GDAP1: variants seen among roughly 807,000 people sequenced by gnomAD.
The protein encoded by GDAP1 is ganglioside-induced differentiation-associated protein 1.
In GDAP1, 34 loss-of-function variants were observed where a neutral mutation model predicts 40.1. The observed-to-expected ratio is 0.85, with a 90% CI of 0.64 to 1.13. The LOEUF (loss-of-function observed/expected upper bound fraction) is 1.13. Among genes scored for constraint, GDAP1 ranks in the 50% most tolerant of loss-of-function variants. GDAP1 has a pLI of 0.00. For missense variants in GDAP1, 374 were observed against 433.7 expected (o/e 0.86, Z 1.22); for synonymous variants, 170 against 157.4 (o/e 1.08, Z -0.60).
At chr8:74,376,246 A>T (rs1293979370) in intron 2 of GDAP1, among the ~76,000 whole-genome samples, 1 of 152,220 alleles carries the variant, frequency 6.6e-6, no homozygotes, top group Non-Finnish European at 1.5e-5. Context: ...TCTTCTTTTA[A>T]AAATAAATTG....
At chr8:74,387,846 C>T (rs2131541399) in intron 2 of GDAP1, among the ~76,000 whole-genome samples, 1 of 152,128 alleles carries the variant, frequency 6.6e-6, no homozygotes, top group East Asian at 1.9e-4. Context: ...TTAATTACTG[C>T]CTCAGTTTCA....
At chr8:74,390,787 T>C (rs542567406) in intron 2 of GDAP1, among the ~76,000 whole-genome samples, 1 of 152,324 alleles carries the variant, frequency 6.6e-6, no homozygotes. Context: ...CCCACAGCTG[T>C]CCCTACTCCC....
chr8:74,373,655 G>A (rs1444907888), intron 2 of GDAP1, among the ~76,000 whole-genome samples: 2 of 152,138 alleles, frequency 1.3e-5, no homozygotes, highest in Non-Finnish European at 2.9e-5. Flanking sequence ...AGGAGATTTT[G>A]GGCTGAGATG....
chr8:74,465,635 A>G (rs1231754263), intron 2 of GDAP1, among the ~76,000 whole-genome samples: 5 of 152,220 alleles, frequency 3.3e-5, no homozygotes, highest in East Asian at 3.8e-4. Flanking sequence ...TGCTCTTAGC[A>G]TAGCATTAAA....
rs747666581 is a variant in GDAP1 at position 74,351,486 on chromosome 8, C to A, written c.310+20C>A. ...TGGATGGTAATGTTAAGGCTACTTG[C>A]GATTTCTTGGATTTACTTTCAACAC... On this transcript the variant is annotated intron_variant, in intron 2 of 5. Coordinates refer to ENST00000220822, the MANE Select transcript of GDAP1 (RefSeq NM_018972.4). 1.9e-6 allele frequency: 3 copies of A among 1,561,544 alleles called. No individual in the cohort carries two copies. Among genetic ancestry groups the A allele is most frequent in the South Asian group, 2.2e-5 (2 of 90,096 alleles).
chr8:74,399,625 CT>C (rs1318609690), intron 2 of GDAP1, among the ~76,000 whole-genome samples: 1 of 136,100 alleles, frequency 7.3e-6, no homozygotes, highest in Non-Finnish European at 1.5e-5. Context: ...TTTTCTAGTT[CT>C]TTTAATTGTG....
In GDAP1 at chr8:74,350,592, T is replaced by G; in HGVS notation, c.117+14T>G. ...AGCTCTCAAAAGGTACAACAGGCCT[T>G]GGCGGCGGAGGGTGGCGCGGATCGG... On this transcript the variant is annotated intron_variant, in intron 1 of 5. Transcript: ENST00000220822. 9 of 1,477,246 alleles carry G rather than the reference T, an allele frequency of 6.1e-6. No homozygotes were observed. Among genetic ancestry groups the G allele is most frequent in the Non-Finnish European group, 6.6e-6 (7 of 1,055,070 alleles). The allele number at this position is 1,477,246 out of a possible 1,614,324, so 91.5% of individuals were successfully genotyped here. A position where few individuals can be genotyped will look rare whatever the true frequency, so the allele number is the denominator to read the frequency against.
chr8:74,407,064 AC>A (rs1269717226), intron 2 of GDAP1, among the ~76,000 whole-genome samples: 1 of 149,620 alleles, frequency 6.7e-6, no homozygotes, highest in African/African-American at 2.6e-5. Context: ...ATAATCAATC[AC>A]CCTTATGTTA....
At chr8:74,352,120 G>C (rs965350539) in intron 2 of GDAP1, among the ~76,000 whole-genome samples, 3 of 152,160 alleles carry the variant, frequency 2.0e-5, no homozygotes, top group Non-Finnish European at 2.9e-5. Flanking sequence ...AAAGCAACAG[G>C]GTTGCCCAAA....
chr8:74,372,533 T>C (rs994018716), intron 2 of GDAP1, among the ~76,000 whole-genome samples: 1 of 152,250 alleles, frequency 6.6e-6, no homozygotes, highest in Non-Finnish European at 1.5e-5. Context: ...TGATGAGCAT[T>C]TTTTCATGTA....
Position 74,350,422 on chromosome 8 carries a change from G to T in GDAP1, c.-40G>T, listed in dbSNP as rs760116707. ...GGCAGTGTGGGAGGGAGAAGTCCAG[G>T]GCGGACAGGCTGGGCGCACCCGTGC... On this transcript the variant is annotated 5_prime_UTR_variant, in exon 1 of 6. Coordinates refer to ENST00000220822, the MANE Select transcript of GDAP1 (RefSeq NM_018972.4). 5.5e-6 allele frequency: 7 copies of T among 1,272,214 alleles called. No individual in the cohort carries two copies. The highest frequency in any genetic ancestry group is 8.0e-6 in the Non-Finnish European group (7 of 873,220). The allele number at this position is 1,272,214 out of a possible 1,614,324, so 78.8% of individuals were successfully genotyped here.
intron 2 of GDAP1, among the ~76,000 whole-genome samples, chr8:74,411,313 C>T (rs976952079): frequency 6.7e-6 from 1 of 149,474 alleles, no homozygotes; most frequent in South Asian, 2.1e-4. Context: ...AAATATCACT[C>T]GTTTTGTTTT....
chr8:74,393,751 C>T (rs1376255575), intron 2 of GDAP1, among the ~76,000 whole-genome samples: 1 of 152,002 alleles, frequency 6.6e-6, no homozygotes, highest in African/African-American at 2.4e-5. Context: ...TATTGTAAAC[C>T]TTTAAGTTTT....
Position 74,364,052 on chromosome 8 carries a change from A to G in GDAP1, c.762A>G (p.Thr254=), listed in dbSNP as rs749026162. The G allele has an allele frequency of 1.9e-6, 3 of 1,613,864 alleles. No homozygotes were observed. Among genetic ancestry groups the G allele is most frequent in the East Asian group, 4.5e-5 (2 of 44,878 alleles). ...FTLADVSLAV[T]LHRLKFLGFA... is the part of the protein sequence containing the mutation. The stretch of plus-strand genomic sequence containing the variant: ...TGGCAGACGTCTCACTCGCTGTCAC[A>G]TTGCATCGACTGAAGTTCCTGGGGT... The change falls in exon 6 of 6, where the codon ACA becomes ACG. Residue 254 remains threonine (T), a synonymous_variant. Transcript: ENST00000220822.
At chr8:74,407,840 C>G (rs1037550768) in intron 2 of GDAP1, among the ~76,000 whole-genome samples, 2 of 149,820 alleles carry the variant, frequency 1.3e-5, no homozygotes, top group African/African-American at 2.6e-5. Flanking sequence ...GAACTTCTGC[C>G]CCTACTCTCT....
At chr8:74,440,041 G>A (rs561480093) in intron 2 of GDAP1, among the ~76,000 whole-genome samples, 1 of 151,912 alleles carries the variant, frequency 6.6e-6, no homozygotes, top group African/African-American at 2.4e-5. Flanking sequence ...ATTTAATATT[G>A]TTATTAATTA....
At chr8:74,457,409 T>C (rs1806349470) in intron 2 of GDAP1, among the ~76,000 whole-genome samples, 1 of 152,036 alleles carries the variant, frequency 6.6e-6, no homozygotes, top group African/African-American at 2.4e-5. Flanking sequence ...AACAACAAAA[T>C]TAAGGGCCAG....
chr8:74,428,633 ATTTT>A (rs1195348725), intron 2 of GDAP1, among the ~76,000 whole-genome samples: 3 of 42,848 alleles, frequency 7.0e-5, no homozygotes, highest in South Asian at 1.7e-3. Context: ...CACCCGGCTA[ATTTT>A]TTTTTTTTTT....
chr8:74,488,206 G>GAAA (rs1806799337), intron 2 of GDAP1, among the ~76,000 whole-genome samples: 1 of 152,092 alleles, frequency 6.6e-6, no homozygotes, highest in Non-Finnish European at 1.5e-5. Context: ...CCTCTACTTT[G>GAAA]ATCCACAGGC....
Sources: allele counts gnomAD v4.1 joint callset (sites outside exome capture counted in the v4.1 genomes callset), GRCh38; gene constraint gnomAD v4.1.1; transcripts MANE v1.5; gene names NCBI Gene and HGNC (gene_info 2026-07-23, HGNC 2026-07-21).